Variants in C2CD3 observed in about 807,000 individuals in gnomAD.
C2CD3 encodes C2 domain-containing protein 3.
A neutral mutation model predicts 234.0 loss-of-function variants in C2CD3; 148 were observed. That is an observed-to-expected ratio of 0.63 (90% CI 0.55 to 0.72). The LOEUF is 0.72. C2CD3 is among the 30% of genes least tolerant of loss of function. C2CD3 has a pLI of 0.00. For synonymous variants in C2CD3, 1,000 were observed against 1,035.4 expected (o/e 0.97, Z 0.66); for missense variants, 2,577 against 2,811.5 (o/e 0.92, Z 1.89).
chr11:74,155,749 G>A (rs1030241518), intron 3 of C2CD3, among the ~76,000 whole-genome samples: 6 of 152,206 alleles, frequency 3.9e-5, no homozygotes, highest in Non-Finnish European at 8.8e-5. Context: ...GAGAAACAAG[G>A]AGTGGCTGTA....
rs1474285671 is a variant in C2CD3 at position 74,048,251 on chromosome 11, G to T, written c.5449C>A (p.Leu1817Ile). 1 of 1,613,772 alleles carries T rather than the reference G, an allele frequency of 6.2e-7. No individual in the cohort carries two copies. The highest frequency in any genetic ancestry group is 1.3e-5 in the African/African-American group (1 of 75,054). Reference sequence around the variant, plus strand: ...AGCTCCTTTGAGGAGGCATGAGCAAGTTGGTCTAGGGTCTGCCTTGCCATG... The same window carrying T: ...AGCTCCTTTGAGGAGGCATGAGCAATTTGGTCTAGGGTCTGCCTTGCCATG... ...SHMARQTLDQ[L>I]AHASSKELDF... Residue 1817 changes from leucine to isoleucine, a missense_variant, in exon 28 of 33, where the codon CTT (leucine) becomes ATT (isoleucine). Coordinates refer to ENST00000334126, the MANE Select transcript of C2CD3 (RefSeq NM_001286577.2).
At chr11:74,127,867 C>CT (rs1184737721) in intron 7 of C2CD3, among the ~76,000 whole-genome samples, 293 of 142,806 alleles carry the variant, frequency 2.1e-3, no homozygotes, top group Non-Finnish European at 1.7e-3. Flanking sequence ...TGTATATTGG[C>CT]TTTTTTTTTT....
In C2CD3 at chr11:74,085,820, G is replaced by A. The variant is rs368790169; in HGVS notation, c.3708C>T (p.Thr1236=). 7.4e-6 allele frequency: 12 copies of A among 1,614,000 alleles called. No homozygotes were observed. Among genetic ancestry groups the A allele is most frequent in the African/African-American group, 1.3e-5 (1 of 74,928 alleles). ...SATVGVNASV[T]THLSFLPQGE... ...CCTGGGGCAGGAAGGAGAGATGAGT[G>A]GTGACAGAGGCATTGACCCCGACTG... is the stretch of plus-strand genomic sequence containing the variant. The change falls in exon 21 of 33, where the codon ACC becomes ACT. Residue 1236 remains threonine, a synonymous_variant. Coordinates refer to ENST00000334126, the MANE Select transcript of C2CD3 (RefSeq NM_001286577.2).
chr11:74,139,578 TTGAC>T, intron 4 of C2CD3, 23 bp downstream of exon 4: 1 of 1,429,894 alleles, frequency 7.0e-7, no homozygotes. Context: ...AACTGACAGA[TTGAC>T]TGGTATTAGG....
At chr11:74,095,022 G>A (rs1956055133) in intron 17 of C2CD3, among the ~76,000 whole-genome samples, 2 of 151,836 alleles carry the variant, frequency 1.3e-5, no homozygotes, top group Admixed American at 1.3e-4. Flanking sequence ...TATTTTTACA[G>A]GTTTTTGTAA....
chr11:74,019,950 G>A (rs1253845858), intron 32 of C2CD3, among the ~76,000 whole-genome samples: 1 of 152,208 alleles, frequency 6.6e-6, no homozygotes, highest in African/African-American at 2.4e-5. Context: ...CTGAAGTGCT[G>A]TGGTCTGGCT....
At chr11:74,017,215 G>A (rs1308227868) in intron 32 of C2CD3, among the ~76,000 whole-genome samples, 2 of 152,162 alleles carry the variant, frequency 1.3e-5, no homozygotes, top group East Asian at 1.9e-4. Context: ...GGACTTCAGC[G>A]AGCTGATCTG....
intron 20 of C2CD3, among the ~76,000 whole-genome samples, chr11:74,087,616 T>C (rs1040731255): frequency 6.6e-6 from 1 of 151,378 alleles, no homozygotes; most frequent in African/African-American, 2.4e-5. Context: ...AAAGATAACA[T>C]TAGATAATAT....
At chr11:74,115,572 G>A (rs535219477) in intron 9 of C2CD3, among the ~76,000 whole-genome samples, 1 of 152,154 alleles carries the variant, frequency 6.6e-6, no homozygotes, top group South Asian at 2.1e-4. Flanking sequence ...CAAATTCAGT[G>A]CAATTCCCAT....
chr11:74,134,281 T>G (rs1041716787), intron 5 of C2CD3, among the ~76,000 whole-genome samples: 2 of 152,354 alleles, frequency 1.3e-5, no homozygotes, highest in African/African-American at 4.8e-5. Context: ...TTCCACATCC[T>G]ATGCTTTTAA....
chr11:74,040,904 A>G (rs1311132716), intron 29 of C2CD3, among the ~76,000 whole-genome samples: 4 of 145,870 alleles, frequency 2.7e-5, no homozygotes, highest in African/African-American at 5.5e-5. Context: ...TCACACACAC[A>G]CACGCACACA....
rs1393719378 is a variant in C2CD3 at position 74,049,331 on chromosome 11, A to G, written c.5361+6T>C. ...ATTGGTTAGGGATGTGAATCTCCAT[A>G]CATACCAGTGATTTTGAGGTCTCCA... On this transcript the variant is annotated splice_donor_region_variant and intron_variant, in intron 27 of 32. Coordinates refer to ENST00000334126, the MANE Select transcript of C2CD3 (RefSeq NM_001286577.2). 1.9e-6 allele frequency: 3 copies of G among 1,611,684 alleles called. No homozygotes were observed. The highest frequency in any genetic ancestry group is 1.7e-6 in the Non-Finnish European group (2 of 1,177,762).
At chr11:74,018,519 A>C (rs1240202401) in intron 32 of C2CD3, among the ~76,000 whole-genome samples, 3 of 152,324 alleles carry the variant, frequency 2.0e-5, no homozygotes, top group South Asian at 4.1e-4. Context: ...AACTGAAAGT[A>C]AACAGCCGCC....
chr11:74,040,412 T>C (rs1487814404), intron 29 of C2CD3, among the ~76,000 whole-genome samples: 1 of 152,214 alleles, frequency 6.6e-6, no homozygotes, highest in Non-Finnish European at 1.5e-5. Flanking sequence ...AAAAAGATTT[T>C]GTTGATGTTT....
chr11:74,133,718 C>T (rs1380070496), intron 5 of C2CD3, 161 bp from the exon 6 acceptor site: 8 of 667,352 alleles, frequency 1.2e-5, no homozygotes, highest in Middle Eastern at 4.0e-4. Flanking sequence ...AGGACATTTA[C>T]GCAAAAGAGA....
chr11:74,014,077 G>A (rs1394720967), intron 32 of C2CD3, among the ~76,000 whole-genome samples: 2 of 152,200 alleles, frequency 1.3e-5, no homozygotes, highest in Admixed American at 1.3e-4. Flanking sequence ...GACTCTGGCT[G>A]ACAGGGCATC....
intron 7 of C2CD3, chr11:74,129,538 C>T: frequency 5.2e-6 from 1 of 190,660 alleles, no homozygotes; most frequent in Non-Finnish European, 1.1e-5. Flanking sequence ...AGAGGCGCTC[C>T]TCACTTCCTA....
intron 32 of C2CD3, among the ~76,000 whole-genome samples, chr11:74,019,452 A>G (rs1423287917): frequency 2.0e-5 from 3 of 152,306 alleles, no homozygotes; most frequent in Middle Eastern, 6.8e-3. Context: ...GCAGAAAGCT[A>G]GGGACTTGGT....
At position 74,138,902 on chromosome 11, in the gene C2CD3, T is replaced by A. The variant is rs908385277; in HGVS notation, c.773A>T (p.Gln258Leu). The A allele has an allele frequency of 2.5e-6, 4 of 1,612,516 alleles. No homozygotes were observed. The African/African-American group carries it at 5.3e-5, about 22-fold the overall frequency. The stretch of plus-strand genomic sequence containing the variant: ...ACTCTGTCCTGAATTAAGACTGTGC[T>A]GTAGTCCAAAGGAAGAATCCTTTAT... ...DTIKDSSFGL[Q>L]HSLNSGQSLE... Residue 258 changes from glutamine to leucine, a missense_variant, in exon 5 of 33, where the codon CAG becomes CTG. Transcript: ENST00000334126.
Sources: allele counts gnomAD v4.1 joint callset (sites outside exome capture counted in the v4.1 genomes callset), GRCh38; gene constraint gnomAD v4.1.1; transcripts MANE v1.5; gene names NCBI Gene and HGNC (gene_info 2026-07-23, HGNC 2026-07-21).